RAB27B: variants seen among roughly 807,000 people sequenced by gnomAD.
The protein encoded by RAB27B is ras-related protein Rab-27B.
RAB27B carries 15 observed loss-of-function variants against 24.6 expected under a neutral mutation model. That is an observed-to-expected ratio of 0.61 (90% CI 0.41 to 0.94). The LOEUF is 0.94. RAB27B is among the 40% of genes least tolerant of loss of function. The pLI, the probability that RAB27B is intolerant of heterozygous loss-of-function variation, is 0.00. For missense variants in RAB27B, 261 were observed against 266.8 expected, an observed-to-expected ratio of 0.98 and a Z score of 0.15; for synonymous variants, 105 against 92.5, an observed-to-expected ratio of 1.14 and a Z score of -0.78.
At chr18:54,781,317 A>C (rs1037755351) in intron 2 of RAB27B, among the ~76,000 whole-genome samples, 1 of 152,038 alleles carries the variant, frequency 6.6e-6, no homozygotes, top group Admixed American at 6.6e-5. Flanking sequence ...GGAAGAGAAT[A>C]GAGGGCAGTG....
chr18:54,720,574 C>T (rs1408800341), intron 2 of RAB27B, among the ~76,000 whole-genome samples: 1 of 151,958 alleles, frequency 6.6e-6, no homozygotes, highest in Non-Finnish European at 1.5e-5. Flanking sequence ...ACTAAGCCAT[C>T]CAGAAGAAGC....
At position 54,769,449 on chromosome 18, in the gene RAB27B, G is replaced by GT. The variant is rs144385263; in HGVS notation, c.-20+51315dup. ...GCCTCTTTTATTGTTTGTCCATCTT[G>GT]TTTTTTTGTTGTTGTTGTTGTTGTT... is the stretch of plus-strand genomic sequence containing the variant. On this transcript the variant is annotated intron_variant, in intron 2 of 4. Transcript: ENST00000586570. 5.3e-3 allele frequency among the ~76,000 whole-genome samples: 527 copies of GT among 99,892 alleles called. 4 individuals carry two copies. The highest frequency in any genetic ancestry group is 0.033 in the East Asian group (100 of 3,048). The allele number at this position is 99,892 out of a possible 152,430, so 65.5% of individuals were successfully genotyped here.
At chr18:54,775,692 T>C (rs1908692811) in intron 2 of RAB27B, among the ~76,000 whole-genome samples, 1 of 152,226 alleles carries the variant, frequency 6.6e-6, no homozygotes, top group Admixed American at 6.5e-5. Context: ...CTACTTGTAA[T>C]TTCCTCCACA....
chr18:54,729,063 A>G lies in RAB27B; in HGVS notation c.-20+10922A>G, dbSNP rs182319926. Among the ~76,000 whole-genome samples, 341 of 152,058 alleles carry G rather than the reference A, an allele frequency of 2.2e-3. 1 individual carries two copies. The highest frequency in any genetic ancestry group is 7.9e-3 in the African/African-American group (328 of 41,516). On this transcript the variant is annotated intron_variant, in intron 2 of 4. Transcript: ENST00000586570. The stretch of plus-strand genomic sequence containing the variant: ...TAACATATAAAACTATTAAAAACAA[A>G]AAGCATAACATTGCCTGATGGACTT...
intron 5 of RAB27B, 54 bp downstream of exon 5, chr18:54,888,172 T>A: frequency 6.3e-7 from 1 of 1,583,832 alleles, no homozygotes; most frequent in Non-Finnish European, 8.6e-7. Context: ...GTTCAGCAAA[T>A]GGAGCAGAGA....
chr18:54,827,801 G>A (rs1158837749), upstream of RAB27B, among the ~76,000 whole-genome samples: 1 of 152,142 alleles, frequency 6.6e-6, no homozygotes, highest in East Asian at 1.9e-4. Context: ...GTCTGAATGT[G>A]TCTAAAATGG....
At chr18:54,819,518 C>A (rs12956561) in intron 2 of RAB27B, among the ~76,000 whole-genome samples, 29,807 of 100,802 alleles carry the variant, frequency 0.3, 3,514 homozygotes, top group East Asian at 0.44. Flanking sequence ...GGCGACAGAA[C>A]AAGACTCCAT....
intron 2 of RAB27B, among the ~76,000 whole-genome samples, chr18:54,777,505 A>G (rs896402633): frequency 6.6e-5 from 10 of 152,248 alleles, no homozygotes; most frequent in Admixed American, 1.3e-4. Context: ...GGAGAGTTTT[A>G]GAGTACAAAC....
intron 2 of RAB27B, among the ~76,000 whole-genome samples, chr18:54,813,811 T>C (rs1483308101): frequency 1.3e-5 from 2 of 152,188 alleles, no homozygotes; most frequent in Non-Finnish European, 2.9e-5. Flanking sequence ...GCGATATCTA[T>C]ACTTCAACAT....
At chr18:54,765,915 T>C in intron 2 of RAB27B, among the ~76,000 whole-genome samples, 1 of 152,212 alleles carries the variant, frequency 6.6e-6, no homozygotes, top group East Asian at 1.9e-4. Flanking sequence ...CACAAGGGCT[T>C]TCACATTCAA....
chr18:54,822,241 G>T (rs1910334089), intron 2 of RAB27B, among the ~76,000 whole-genome samples: 1 of 152,078 alleles, frequency 6.6e-6, no homozygotes, highest in South Asian at 2.1e-4. Flanking sequence ...AGACATATTT[G>T]CTTGAAATTA....
chr18:54,745,814 T>A (rs1910221787), intron 2 of RAB27B, among the ~76,000 whole-genome samples: 2 of 147,268 alleles, frequency 1.4e-5, no homozygotes, highest in Admixed American at 6.8e-5. Flanking sequence ...TTTATAAATA[T>A]TAAATATTTA....
chr18:54,750,714 G>A (rs752467981), intron 2 of RAB27B, among the ~76,000 whole-genome samples: 1 of 152,144 alleles, frequency 6.6e-6, no homozygotes, highest in Non-Finnish European at 1.5e-5. Context: ...AGACACTCAG[G>A]TTATAGAGAA....
At chr18:54,734,961 CAT>C (rs911246325) in intron 2 of RAB27B, among the ~76,000 whole-genome samples, 30 of 152,070 alleles carry the variant, frequency 2.0e-4, no homozygotes, top group African/African-American at 6.3e-4. Flanking sequence ...TTGTATAACA[CAT>C]TAATTAATAA....
intron 5 of RAB27B, among the ~76,000 whole-genome samples, chr18:54,888,611 C>A: frequency 6.6e-6 from 1 of 151,354 alleles, no homozygotes. Context: ...GCTTGAATGG[C>A]AGCTTAAAAA....
chr18:54,850,162 T>C (rs1380979427), intron 1 of RAB27B, among the ~76,000 whole-genome samples: 2 of 151,600 alleles, frequency 1.3e-5, no homozygotes, highest in Non-Finnish European at 2.9e-5. Flanking sequence ...TCTAAAAATA[T>C]CTTCCTGTCT....
At chr18:54,838,083 A>G (rs1290276565) in intron 1 of RAB27B, among the ~76,000 whole-genome samples, 1 of 152,152 alleles carries the variant, frequency 6.6e-6, no homozygotes, top group Non-Finnish European at 1.5e-5. Flanking sequence ...ATTTAAGTGC[A>G]AATTAACTCC....
intron 2 of RAB27B, among the ~76,000 whole-genome samples, chr18:54,773,168 T>G (rs994538735): frequency 1.3e-5 from 2 of 152,230 alleles, no homozygotes; most frequent in Non-Finnish European, 2.9e-5. Context: ...AATTTCATTT[T>G]CTAAAGCACT....
chr18:54,728,901 C>CAAAAAAAAAAAAAAAAAAAAAAAAA (rs1568044209), intron 2 of RAB27B, among the ~76,000 whole-genome samples: 1 of 24,092 alleles, frequency 4.2e-5, no homozygotes, highest in Non-Finnish European at 9.3e-5. Context: ...AAAAAAAAAA[C>CAAAAAAAAAAAAAAAAAAAAAAAAA]CCAAAAAAAA....
Sources: allele counts gnomAD v4.1 joint callset (sites outside exome capture counted in the v4.1 genomes callset), GRCh38; gene constraint gnomAD v4.1.1; transcripts MANE v1.5; gene names NCBI Gene and HGNC (gene_info 2026-07-23, HGNC 2026-07-21).